Variants in LRRC4C observed in about 807,000 individuals in gnomAD.
The protein encoded by LRRC4C is leucine rich repeat containing 4C.
Under a neutral mutation model 33.6 loss-of-function variants are expected in LRRC4C, and 5 were observed. The observed-to-expected ratio is 0.15, with a 90% CI of 0.08 to 0.31. The LOEUF is 0.31. Ranked by LOEUF, LRRC4C falls within the 10% of genes least tolerant of loss-of-function variation. The pLI, the probability that LRRC4C is intolerant of heterozygous loss-of-function variation, is 1.00. For missense variants in LRRC4C, 560 were observed against 796.7 expected (o/e 0.70, Z 3.58); for synonymous variants, 329 against 302.0 (o/e 1.09, Z -0.93).
At chr11:41,016,053 C>A (rs1293709922) in intron 1 of LRRC4C, among the ~76,000 whole-genome samples, 4 of 151,704 alleles carry the variant, frequency 2.6e-5, no homozygotes, top group African/African-American at 9.7e-5. Context: ...GGAGTGCAAA[C>A]TCAATCTATA....
At chr11:40,203,940 A>T (rs1166113198) in intron 5 of LRRC4C, among the ~76,000 whole-genome samples, 1 of 152,140 alleles carries the variant, frequency 6.6e-6, no homozygotes, top group Admixed American at 6.5e-5. Context: ...TACTGTTTTT[A>T]GAGATAGAGT....
intron 3 of LRRC4C, among the ~76,000 whole-genome samples, chr11:40,588,648 A>C (rs993391388): frequency 5.3e-5 from 8 of 151,598 alleles, no homozygotes; most frequent in Non-Finnish European, 1.2e-4. Flanking sequence ...ACTGCTTTGA[A>C]TGCGTCCCAG....
chr11:41,372,302 A>C (rs540197858), intron 1 of LRRC4C, among the ~76,000 whole-genome samples: 21 of 152,340 alleles, frequency 1.4e-4, no homozygotes, highest in Middle Eastern at 3.4e-3. Context: ...AACAATATTT[A>C]TTTAGCTCCT....
chr11:40,457,188 TCAAA>T lies in LRRC4C; in HGVS notation c.-269-137471_-269-137468del, dbSNP rs150759699. Among the ~76,000 whole-genome samples, 706 of 148,454 alleles carry T rather than the reference TCAAA, an allele frequency of 4.8e-3. 3 individuals are homozygous for T. The highest frequency in any genetic ancestry group is 0.017 in the African/African-American group (674 of 40,720). On this transcript the variant is annotated intron_variant, in intron 3 of 6. Coordinates refer to ENST00000528697, the MANE Select transcript of LRRC4C (RefSeq NM_001258419.2). Reference sequence around the variant, plus strand: ...AAAAAAAGAATCTCAAAGAACACAATCAAACAAATCACATGTTGATTGATATGAA... The same window carrying T: ...AAAAAAAGAATCTCAAAGAACACAATCAAATCACATGTTGATTGATATGAA...
chr11:40,117,257 A>G (rs144597422), intron 6 of LRRC4C, among the ~76,000 whole-genome samples: 1 of 152,284 alleles, frequency 6.6e-6, no homozygotes, highest in Non-Finnish European at 1.5e-5. Context: ...GGGTGACCTC[A>G]GCTGTAAGCA....
At chr11:41,117,645 A>G (rs1403915258) in intron 1 of LRRC4C, among the ~76,000 whole-genome samples, 2 of 152,276 alleles carry the variant, frequency 1.3e-5, no homozygotes, top group African/African-American at 4.8e-5. Flanking sequence ...TAAAAAGTCT[A>G]AGTCATTCTC....
chr11:40,912,575 C>A (rs1224304223), intron 2 of LRRC4C, among the ~76,000 whole-genome samples: 1 of 152,196 alleles, frequency 6.6e-6, no homozygotes, highest in Non-Finnish European at 1.5e-5. Context: ...ACAACTGGTA[C>A]CAGCCACTGC....
intron 5 of LRRC4C, among the ~76,000 whole-genome samples, chr11:40,187,695 C>T (rs1184693574): frequency 6.6e-6 from 1 of 152,158 alleles, no homozygotes; most frequent in Non-Finnish European, 1.5e-5. Context: ...CCTTTGCCCT[C>T]CCAGCAATAC....
intron 3 of LRRC4C, among the ~76,000 whole-genome samples, chr11:40,511,259 T>C (rs1955302189): frequency 6.6e-6 from 1 of 152,008 alleles, no homozygotes; most frequent in Non-Finnish European, 1.5e-5. Context: ...CAGTACAAAA[T>C]GAAAAGAGGC....
intron 1 of LRRC4C, among the ~76,000 whole-genome samples, chr11:41,252,477 G>A (rs116422385): frequency 6.6e-5 from 10 of 152,210 alleles, no homozygotes; most frequent in African/African-American, 1.7e-4. Context: ...AAGGGAATCC[G>A]GACCCAATAG....
At chr11:41,095,320 C>G (rs1391415053) in intron 1 of LRRC4C, among the ~76,000 whole-genome samples, 1 of 152,150 alleles carries the variant, frequency 6.6e-6, no homozygotes, top group Admixed American at 6.5e-5. Flanking sequence ...TCACCTCCCA[C>G]CAAGTCCCTC....
chr11:40,878,211 C>T (rs903287502), intron 2 of LRRC4C, among the ~76,000 whole-genome samples: 3 of 152,022 alleles, frequency 2.0e-5, no homozygotes, highest in East Asian at 1.9e-4. Context: ...ACTTAAAGCC[C>T]GCCACCAGAT....
At chr11:41,408,736 G>T (rs946162365) in intron 1 of LRRC4C, among the ~76,000 whole-genome samples, 3 of 87,878 alleles carry the variant, frequency 3.4e-5, no homozygotes, top group African/African-American at 1.8e-4. Flanking sequence ...TATGAGAAAG[G>T]TATATTTTTG....
At chr11:41,215,383 G>A (rs1347385868) in intron 1 of LRRC4C, among the ~76,000 whole-genome samples, 2 of 150,912 alleles carry the variant, frequency 1.3e-5, no homozygotes, top group African/African-American at 2.4e-5. Flanking sequence ...AGCTACTCGG[G>A]AGGCTGAGGC....
intron 3 of LRRC4C, among the ~76,000 whole-genome samples, chr11:40,538,786 C>T (rs868465627): frequency 6.6e-6 from 1 of 152,138 alleles, no homozygotes; most frequent in Non-Finnish European, 1.5e-5. Flanking sequence ...CCTATTTCTC[C>T]ACGTCCTCTG....
chr11:40,305,837 T>C (rs1945001769), intron 4 of LRRC4C, among the ~76,000 whole-genome samples: 1 of 152,230 alleles, frequency 6.6e-6, no homozygotes, highest in Non-Finnish European at 1.5e-5. Flanking sequence ...TATGAAGTAA[T>C]GCAGAAGAAT....
intron 2 of LRRC4C, among the ~76,000 whole-genome samples, chr11:40,924,100 A>ATGTGTG (rs755711151): frequency 2.4e-4 from 35 of 144,880 alleles, no homozygotes; most frequent in African/African-American, 7.8e-4. Flanking sequence ...GTGTGTGTGT[A>ATGTGTG]TGTGTGTGTG....
At chr11:40,236,633 AC>A (rs1865580088) in intron 5 of LRRC4C, among the ~76,000 whole-genome samples, 1 of 151,480 alleles carries the variant, frequency 6.6e-6, no homozygotes, top group Non-Finnish European at 1.5e-5. Flanking sequence ...TCCCTGAGGC[AC>A]CCCCCTCCCC....
chr11:40,536,357 C>T (rs1161148792), intron 3 of LRRC4C, among the ~76,000 whole-genome samples: 1 of 152,102 alleles, frequency 6.6e-6, no homozygotes, highest in Non-Finnish European at 1.5e-5. Flanking sequence ...CCATGCCTAG[C>T]TAATTTTTGT....
Sources: gnomAD v4.1 joint callset for allele counts (sites outside exome capture counted in the v4.1 genomes callset) on GRCh38, gnomAD v4.1.1 for gene constraint, MANE v1.5 for transcripts, NCBI Gene and HGNC (gene_info 2026-07-23, HGNC 2026-07-21) for gene names.